The following USP28 variants were observed in gnomAD, a reference collection of about 807,000 sequenced individuals.
USP28 encodes the protein ubiquitin specific peptidase 28.
Under a neutral mutation model 145.0 loss-of-function variants are expected in USP28, and 113 were observed. The ratio of observed to expected loss-of-function variants is 0.78; its 90% CI spans 0.67 to 0.91. The LOEUF is 0.91. Among genes scored for constraint, USP28 ranks in the 40% least tolerant of loss-of-function variants. The pLI, the probability that USP28 is intolerant of heterozygous loss-of-function variation, is 0.00. For missense variants in USP28, 1,201 were observed against 1,289.6 expected (o/e 0.93, Z 1.05); for synonymous variants, 447 against 450.9 (o/e 0.99, Z 0.11).
chr11:113,858,159 C>A (rs1947270673), intron 1 of USP28, among the ~76,000 whole-genome samples: 1 of 152,162 alleles, frequency 6.6e-6, no homozygotes, highest in African/African-American at 2.4e-5. Context: ...AGCCACTGCA[C>A]CTGGCCTAGT....
At chr11:113,829,125 A>G in intron 10 of USP28, 72 bp downstream of exon 10, 1 of 1,573,846 alleles carries the variant, frequency 6.4e-7, no homozygotes, top group Non-Finnish European at 8.6e-7. Flanking sequence ...ATGGGAAACT[A>G]GTCTGCCCAA....
At chr11:113,831,532 A>G (rs942844175) in intron 8 of USP28, among the ~76,000 whole-genome samples, 1 of 152,210 alleles carries the variant, frequency 6.6e-6, no homozygotes, top group African/African-American at 2.4e-5. Context: ...TGAAATGACT[A>G]TAACCTATCC....
In USP28 at chr11:113,803,965, T is replaced by A. The variant is rs955038343; in HGVS notation, c.2659-88A>T. On this transcript the variant is annotated intron_variant, in intron 21 of 24. Transcript: ENST00000003302. ...CTAAGTTTTAAATTCATTACAAATATTTACTGAGCACATCTGGCTAGCCAC... is the reference window on the plus strand; with the variant it reads ...CTAAGTTTTAAATTCATTACAAATAATTACTGAGCACATCTGGCTAGCCAC... The A allele has an allele frequency of 1.0e-5, 12 of 1,200,496 alleles. No homozygotes were observed. The Admixed American group carries it at 2.1e-4, about 21-fold the overall frequency. 74.4% of individuals were successfully genotyped at this position (1,200,496 alleles called of 1,614,324 possible). A position where few individuals can be genotyped will look rare whatever the true frequency, so the allele number is the denominator to read the frequency against.
At position 113,824,313 on chromosome 11, in the gene USP28, G is replaced by C. The variant is rs150544590; in HGVS notation, c.1188-613C>G. Among the ~76,000 whole-genome samples the C allele has an allele frequency of 8.5e-3, 1,291 of 152,002 alleles. 7 individuals carry two copies. The highest frequency in any genetic ancestry group is 0.02 in the Middle Eastern group (6 of 294). ...AGCTATACACTGTTCATGGATTGAA[G>C]GACTCAATATTATTATTATTTTTGA... On this transcript the variant is annotated intron_variant, in intron 11 of 24. Coordinates refer to ENST00000003302, the Ensembl canonical transcript of USP28.
chr11:113,874,382 G>A (rs1949149351), intron 1 of USP28: 49 of 810,246 alleles, frequency 6.0e-5, no homozygotes, highest in Non-Finnish European at 7.7e-5. Flanking sequence ...CCGACATCGC[G>A]CCACAGCACT....
In USP28 at chr11:113,835,471, C is replaced by T. The variant is rs112748921; in HGVS notation, c.535-1136G>A. ...CTAGAGCCCACGTGCACCTCTCTGGCTTCCCTCACTCTAACACAAGCCCTG... is the reference window on the plus strand; with the variant it reads ...CTAGAGCCCACGTGCACCTCTCTGGTTTCCCTCACTCTAACACAAGCCCTG... On this transcript the variant is annotated intron_variant, in intron 5 of 24. Transcript: ENST00000003302. 4.3e-3 allele frequency: 1,701 copies of T among 398,002 alleles called. 28 individuals carry two copies. The highest frequency in any genetic ancestry group is 0.033 in the African/African-American group (1,564 of 48,020). The allele number at this position is 398,002 out of a possible 1,614,324, so 24.7% of individuals were successfully genotyped here. A position where few individuals can be genotyped will look rare whatever the true frequency, so the allele number is the denominator to read the frequency against.
At chr11:113,827,518 A>C (rs111237765) in intron 10 of USP28, among the ~76,000 whole-genome samples, 158 bp from the exon 11 acceptor site, 2 of 152,320 alleles carry the variant, frequency 1.3e-5, no homozygotes, top group African/African-American at 4.8e-5. Flanking sequence ...CCAAACACTA[A>C]AGGGAATCAA....
exon 14 of USP28, chr11:113,815,281 A>G (rs780816279): frequency 1.2e-6 from 2 of 1,614,204 alleles, no homozygotes; most frequent in Admixed American, 1.7e-5. Flanking sequence ...AGGCATTTCC[A>G]TGGAAGACCG....
chr11:113,822,222 C>A (rs549375889), intron 12 of USP28, among the ~76,000 whole-genome samples: 2 of 152,144 alleles, frequency 1.3e-5, no homozygotes, highest in South Asian at 4.2e-4. Flanking sequence ...GAGGCTGAGG[C>A]AGGTGGATCA....
Position 113,875,518 on chromosome 11 carries a change from C to G in USP28, c.-17G>C, listed in dbSNP as rs774070778. On this transcript the variant is annotated 5_prime_UTR_variant, in exon 1 of 25. Coordinates refer to ENST00000003302, the Ensembl canonical transcript of USP28. The stretch of plus-strand genomic sequence containing the variant: ...CGCAGTCATGGCCGAGGCGCCCAGC[C>G]GCGGGTCACCGGTCTCCCGCCGCAG... 4.6e-4 allele frequency: 533 copies of G among 1,157,700 alleles called. 2 individuals carry two copies. In the African/African-American group the frequency reaches 8.0e-3, roughly 17 times the overall value. 71.7% of individuals were successfully genotyped at this position (1,157,700 alleles called of 1,614,324 possible).
intron 1 of USP28, among the ~76,000 whole-genome samples, chr11:113,871,294 T>C (rs1385189322): frequency 1.3e-5 from 2 of 152,146 alleles, no homozygotes; most frequent in Non-Finnish European, 2.9e-5. Flanking sequence ...TGGACCATAA[T>C]GTGAGTAGCA....
chr11:113,839,389 A>T (rs1377296991), intron 5 of USP28, among the ~76,000 whole-genome samples: 1 of 152,192 alleles, frequency 6.6e-6, no homozygotes, highest in South Asian at 2.1e-4. Context: ...GTTCAAGACC[A>T]GCATGGCCAA....
chr11:113,800,022 T>C (rs78101925), intron 24 of USP28, among the ~76,000 whole-genome samples: 1 of 152,182 alleles, frequency 6.6e-6, no homozygotes, highest in African/African-American at 2.4e-5. Flanking sequence ...TTTTTTTTTT[T>C]TGAGACGGAG....
intron 1 of USP28, chr11:113,859,482 G>A (rs895796410): frequency 2.0e-5 from 3 of 151,978 alleles, no homozygotes; most frequent in African/African-American, 7.2e-5. Flanking sequence ...AGTATGGTAT[G>A]AATAACAAAT....
At chr11:113,829,972 GA>G (rs1943806147) in intron 9 of USP28, among the ~76,000 whole-genome samples, 1 of 152,074 alleles carries the variant, frequency 6.6e-6, no homozygotes, top group East Asian at 1.9e-4. Context: ...CAATTTATAA[GA>G]GGAGGAATAG....
At chr11:113,855,224 T>A (rs1484210132) in intron 1 of USP28, among the ~76,000 whole-genome samples, 1 of 152,232 alleles carries the variant, frequency 6.6e-6, no homozygotes, top group East Asian at 1.9e-4. Flanking sequence ...AAAACCTAAA[T>A]TGTTAACTTC....
At chr11:113,810,034 CAA>C (rs368686301) in intron 16 of USP28, among the ~76,000 whole-genome samples, 23 of 68,976 alleles carry the variant, frequency 3.3e-4, no homozygotes, top group Admixed American at 5.4e-4. Context: ...GACTCCATCT[CAA>C]AAAAAAAAAA....
At chr11:113,866,919 G>T (rs1948311337) in intron 1 of USP28, among the ~76,000 whole-genome samples, 1 of 152,154 alleles carries the variant, frequency 6.6e-6, no homozygotes. Flanking sequence ...AGAATGGACA[G>T]GCAAAACATA....
chr11:113,815,379 T>G lies in USP28; in HGVS notation c.1467A>C (p.Thr489=), dbSNP rs35929299. 2.5e-4 allele frequency: 410 copies of G among 1,612,032 alleles called. 1 individual carries two copies. The African/African-American group carries it at 5.1e-3, about 20-fold the overall frequency. The change falls in exon 14 of 25, where the codon ACA becomes ACC. Residue 489 remains threonine, a synonymous_variant. Coordinates refer to ENST00000003302, the Ensembl canonical transcript of USP28. ...CATCCTGAGAAGAGCTTTCTGTACT[T>G]GTACTGAGGAAGACAAAAATCATGC...
Sources: allele counts gnomAD v4.1 joint callset (sites outside exome capture counted in the v4.1 genomes callset), GRCh38; gene constraint gnomAD v4.1.1; transcripts MANE v1.5; gene names NCBI Gene and HGNC (gene_info 2026-07-23, HGNC 2026-07-21).